Variants in CYRIA observed in about 807,000 individuals in gnomAD.
CYRIA encodes CYFIP related Rac1 interactor A.
A neutral mutation model predicts 43.9 loss-of-function variants in CYRIA; 15 were observed. That is an observed-to-expected ratio of 0.34 (90% CI 0.23 to 0.53). CYRIA has a LOEUF of 0.53. CYRIA is among the 20% of genes least tolerant of loss of function. The pLI, the probability that CYRIA is intolerant of heterozygous loss-of-function variation, is 0.94. For missense variants in CYRIA, 236 were observed against 394.2 expected, an observed-to-expected ratio of 0.60 and a Z score of 3.40; for synonymous variants, 117 against 136.0, an observed-to-expected ratio of 0.86 and a Z score of 0.97.
chr2:16,647,591 C>G (rs1289278465), intron 1 of CYRIA, among the ~76,000 whole-genome samples: 1 of 152,218 alleles, frequency 6.6e-6, no homozygotes, highest in Non-Finnish European at 1.5e-5. Context: ...CCCTGCAGGT[C>G]CAGTCTCCCT....
intron 2 of CYRIA, among the ~76,000 whole-genome samples, chr2:16,611,522 C>G (rs1316273171): frequency 6.6e-6 from 1 of 152,126 alleles, no homozygotes; most frequent in Non-Finnish European, 1.5e-5. Context: ...GAGGAAGACT[C>G]TAGTGAGGAC....
intron 2 of CYRIA, among the ~76,000 whole-genome samples, chr2:16,619,216 A>T (rs1668912844): frequency 6.6e-6 from 1 of 152,158 alleles, no homozygotes; most frequent in Non-Finnish European, 1.5e-5. Flanking sequence ...AGCAGGGGTG[A>T]TAGGAGGTCA....
At chr2:16,564,754 G>C (rs1000767498) in intron 4 of CYRIA, among the ~76,000 whole-genome samples, 4 of 152,168 alleles carry the variant, frequency 2.6e-5, no homozygotes, top group African/African-American at 9.6e-5. Flanking sequence ...CACATAAAAA[G>C]AGTGTGAAGT....
At chr2:16,606,999 A>G (rs1334181511) in intron 2 of CYRIA, among the ~76,000 whole-genome samples, 1 of 152,192 alleles carries the variant, frequency 6.6e-6, no homozygotes, top group Non-Finnish European at 1.5e-5. Context: ...CATACAAAAA[A>G]CCTGAAGAAT....
At position 16,661,337 on chromosome 2, in the gene CYRIA, C is replaced by T. The variant is rs558654058; in HGVS notation, c.-167+4443G>A. Among the ~76,000 whole-genome samples, 3 of 152,230 alleles carry T rather than the reference C, an allele frequency of 2.0e-5. No homozygotes were observed. In the South Asian group the frequency reaches 6.2e-4, roughly 32 times the overall value. ...CTTTGTATCTGAAGAGCCATCCATC[C>T]ATATGTTCTGACCTTGTTTCTCCTG... On this transcript the variant is annotated intron_variant, in intron 1 of 11. Coordinates refer to ENST00000381323, the MANE Select transcript of CYRIA (RefSeq NM_030797.4).
Position 16,561,391 on chromosome 2 carries a change from C to T in CYRIA, c.513+65G>A, listed in dbSNP as rs545236071. 5 of 1,527,952 alleles carry T rather than the reference C, an allele frequency of 3.3e-6. No individual in the cohort carries two copies. The African/African-American group carries it at 6.8e-5, about 21-fold the overall frequency. 94.6% of individuals were successfully genotyped at this position (1,527,952 alleles called of 1,614,324 possible). On this transcript the variant is annotated intron_variant, in intron 7 of 11. Transcript: ENST00000381323. ...GACATTGTCTTCTGTCTGTGCTCTG[C>T]CTGATGCAGAAATCAAAAGAGTCAT...
chr2:16,648,766 G>C (rs1368750039), intron 1 of CYRIA, among the ~76,000 whole-genome samples: 1 of 152,150 alleles, frequency 6.6e-6, no homozygotes, highest in Admixed American at 6.6e-5. Context: ...ATATCAAGAA[G>C]AGGGTCTAGG....
chr2:16,602,808 T>C (rs1386795610), intron 2 of CYRIA, among the ~76,000 whole-genome samples: 1 of 152,204 alleles, frequency 6.6e-6, no homozygotes, highest in Non-Finnish European at 1.5e-5. Context: ...AAATGGGGCA[T>C]CAAGTTCATT....
At chr2:16,569,702 A>T (rs1667063115) in intron 3 of CYRIA, among the ~76,000 whole-genome samples, 1 of 152,248 alleles carries the variant, frequency 6.6e-6, no homozygotes, top group South Asian at 2.1e-4. Context: ...TGTGACCCAC[A>T]GTGACATGTG....
At chr2:16,590,069 C>T (rs1341531838) in intron 2 of CYRIA, among the ~76,000 whole-genome samples, 1 of 56,652 alleles carries the variant, frequency 1.8e-5, no homozygotes, top group Admixed American at 1.9e-4. Flanking sequence ...GGCATGCATG[C>T]ACACACACAC....
intron 1 of CYRIA, among the ~76,000 whole-genome samples, chr2:16,646,370 C>A (rs981326528): frequency 6.6e-6 from 1 of 152,194 alleles, no homozygotes; most frequent in African/African-American, 2.4e-5. Context: ...TCAAGATTAT[C>A]TTAAAGAATG....
intron 3 of CYRIA, among the ~76,000 whole-genome samples, chr2:16,581,998 A>C (rs1340083367): frequency 6.6e-6 from 1 of 152,224 alleles, no homozygotes; most frequent in East Asian, 1.9e-4. Flanking sequence ...GATTAGCTAA[A>C]TTAGACTTTT....
chr2:16,617,342 G>A (rs536518131), intron 2 of CYRIA, among the ~76,000 whole-genome samples: 193 of 152,300 alleles, frequency 1.3e-3, no homozygotes, highest in African/African-American at 4.2e-3. Flanking sequence ...GCCTACTACC[G>A]GGTCAGTGCA....
intron 2 of CYRIA, among the ~76,000 whole-genome samples, chr2:16,603,403 C>T (rs1668275314): frequency 6.6e-6 from 1 of 152,188 alleles, no homozygotes. Context: ...GACTTAGAAA[C>T]TTACTGCATC....
At chr2:16,655,668 C>G (rs560818703) in intron 1 of CYRIA, among the ~76,000 whole-genome samples, 1 of 152,318 alleles carries the variant, frequency 6.6e-6, no homozygotes, top group South Asian at 2.1e-4. Flanking sequence ...GGGGCTCAGA[C>G]AGCTGCAGCA....
intron 1 of CYRIA, among the ~76,000 whole-genome samples, chr2:16,663,405 C>A (rs539566958): frequency 8.5e-5 from 13 of 152,232 alleles, no homozygotes; most frequent in Non-Finnish European, 1.5e-4. Flanking sequence ...TTTTAACAAA[C>A]CTAGAGCATG....
At chr2:16,636,535 C>A (rs1283278692) in intron 1 of CYRIA, among the ~76,000 whole-genome samples, 1 of 152,098 alleles carries the variant, frequency 6.6e-6, no homozygotes, top group Non-Finnish European at 1.5e-5. Context: ...TGCCCCAGGC[C>A]CGGTCCCGAG....
At chr2:16,630,076 T>C (rs1397177051) in intron 1 of CYRIA, among the ~76,000 whole-genome samples, 1 of 152,110 alleles carries the variant, frequency 6.6e-6, no homozygotes, top group Non-Finnish European at 1.5e-5. Context: ...CCAACCCTTA[T>C]TCACTGAGCA....
chr2:16,636,600 C>A (rs1254075708), intron 1 of CYRIA, among the ~76,000 whole-genome samples: 1 of 152,124 alleles, frequency 6.6e-6, no homozygotes, highest in Non-Finnish European at 1.5e-5. Flanking sequence ...TGCTGAGTCA[C>A]CTATCTATTC....
Sources: gnomAD v4.1 joint callset for allele counts (sites outside exome capture counted in the v4.1 genomes callset) on GRCh38, gnomAD v4.1.1 for gene constraint, MANE v1.5 for transcripts, NCBI Gene and HGNC (gene_info 2026-07-23, HGNC 2026-07-21) for gene names.